Variants in SDK1 observed in about 807,000 individuals in gnomAD.
SDK1 encodes sidekick cell adhesion molecule 1.
A neutral mutation model predicts 245.5 loss-of-function variants in SDK1; 157 were observed. The observed-to-expected ratio is 0.64, with a 90% CI of 0.56 to 0.73. The LOEUF (loss-of-function observed/expected upper bound fraction) is 0.73, where lower values mean the gene tolerates loss of function less well. SDK1 is among the 30% of genes least tolerant of loss of function. SDK1 has a pLI of 0.00. For synonymous variants in SDK1, 1,647 were observed against 1,278.5 expected (o/e 1.29, Z -6.15); for missense variants, 3,583 against 3,002.3 (o/e 1.19, Z -4.52).
intron 5 of SDK1, among the ~76,000 whole-genome samples, chr7:3,863,303 G>C (rs1227804577): frequency 2.0e-5 from 3 of 152,142 alleles, no homozygotes; most frequent in Non-Finnish European, 2.9e-5. Context: ...TCCAGTGAGG[G>C]AAATTCTGCC....
chr7:4,198,867 G>T (rs917723571), intron 35 of SDK1, among the ~76,000 whole-genome samples: 1 of 150,184 alleles, frequency 6.7e-6, no homozygotes, highest in Non-Finnish European at 1.5e-5. Flanking sequence ...AGGCTGGAGT[G>T]CAGTGGCGTG....
At chr7:3,848,502 G>C (rs1019886184) in intron 5 of SDK1, among the ~76,000 whole-genome samples, 5 of 152,122 alleles carry the variant, frequency 3.3e-5, no homozygotes, top group Non-Finnish European at 2.9e-5. Context: ...TGAGCAGGCA[G>C]CTTTCAGAAG....
intron 30 of SDK1, among the ~76,000 whole-genome samples, chr7:4,151,348 G>T (rs541630642): frequency 6.6e-6 from 1 of 152,292 alleles, no homozygotes; most frequent in South Asian, 2.1e-4. Context: ...TCTGAAAATC[G>T]AGGTGGAATG....
At chr7:4,064,658 C>T (rs1331462139) in intron 19 of SDK1, among the ~76,000 whole-genome samples, 2 of 152,162 alleles carry the variant, frequency 1.3e-5, no homozygotes, top group African/African-American at 4.8e-5. Context: ...ACGGAATCAA[C>T]CCAAGCGTCC....
At chr7:3,871,622 G>A (rs749365607) in intron 5 of SDK1, among the ~76,000 whole-genome samples, 3 of 152,216 alleles carry the variant, frequency 2.0e-5, no homozygotes, top group African/African-American at 7.2e-5. Context: ...AAGTAAAGGA[G>A]AGCCTGTGTG....
chr7:4,178,606 A>G lies in SDK1; in HGVS notation c.5098+20A>G, dbSNP rs1174652781. The G allele has an allele frequency of 3.8e-6, 6 of 1,571,606 alleles. No individual in the cohort carries two copies. Among genetic ancestry groups the G allele is most frequent in the Non-Finnish European group, 5.2e-6 (6 of 1,147,806 alleles). On this transcript the variant is annotated intron_variant, in intron 35 of 44. Transcript: ENST00000404826. ...AGGCTGGTAAGCTCCGTGCACCCCCAACCCCACTGCCAGAGAGGGCCACAG... is the reference window on the plus strand; with the variant it reads ...AGGCTGGTAAGCTCCGTGCACCCCCGACCCCACTGCCAGAGAGGGCCACAG...
At chr7:4,194,548 C>G (rs944892632) in intron 35 of SDK1, among the ~76,000 whole-genome samples, 9 of 152,026 alleles carry the variant, frequency 5.9e-5, no homozygotes, top group Non-Finnish European at 8.8e-5. Flanking sequence ...AGGCTATCTG[C>G]AAGCTCGAGG....
At chr7:3,500,096 G>C (rs1782150419) in intron 1 of SDK1, among the ~76,000 whole-genome samples, 1 of 152,120 alleles carries the variant, frequency 6.6e-6, no homozygotes, top group African/African-American at 2.4e-5. Context: ...GGGTGGGTGA[G>C]TGGGGTTTAG....
chr7:3,516,582 C>A (rs1782758996), intron 1 of SDK1, among the ~76,000 whole-genome samples: 1 of 152,000 alleles, frequency 6.6e-6, no homozygotes, highest in Non-Finnish European at 1.5e-5. Context: ...CTTCCATGAC[C>A]TCTTAAGGAA....
At chr7:4,019,736 G>C (rs78888322) in intron 17 of SDK1, among the ~76,000 whole-genome samples, 1 of 151,928 alleles carries the variant, frequency 6.6e-6, no homozygotes, top group Non-Finnish European at 1.5e-5. Flanking sequence ...ATTGGGGGTT[G>C]GTATACAGAG....
intron 1 of SDK1, among the ~76,000 whole-genome samples, chr7:3,371,635 A>G (rs1385108549): frequency 6.6e-6 from 1 of 152,212 alleles, no homozygotes; most frequent in Admixed American, 6.5e-5. Flanking sequence ...TTGATCTCCA[A>G]AAATAGAAGA....
At chr7:4,139,969 T>C (rs1053667859) in intron 28 of SDK1, among the ~76,000 whole-genome samples, 10 of 152,024 alleles carry the variant, frequency 6.6e-5, no homozygotes, top group African/African-American at 2.4e-4. Context: ...ACCCCACTGT[T>C]CTCCCATGAG....
chr7:3,867,204 G>A (rs1267439532), intron 5 of SDK1, among the ~76,000 whole-genome samples: 2 of 152,150 alleles, frequency 1.3e-5, no homozygotes, highest in Non-Finnish European at 2.9e-5. Flanking sequence ...GGCCAGTTTT[G>A]TTCTGAAGAG....
intron 4 of SDK1, among the ~76,000 whole-genome samples, chr7:3,683,454 G>A (rs1784171701): frequency 6.6e-6 from 1 of 152,086 alleles, no homozygotes; most frequent in South Asian, 2.1e-4. Flanking sequence ...CTCATCAGAG[G>A]TTATTATAAT....
intron 4 of SDK1, among the ~76,000 whole-genome samples, chr7:3,816,944 A>G (rs1177620273): frequency 1.3e-5 from 2 of 152,202 alleles, no homozygotes; most frequent in East Asian, 1.9e-4. Context: ...GTCAATTGAA[A>G]CTAGTCAAAT....
chr7:3,691,986 TTTTTG>T (rs1442034438), intron 4 of SDK1, among the ~76,000 whole-genome samples: 5 of 152,116 alleles, frequency 3.3e-5, no homozygotes, highest in Non-Finnish European at 7.4e-5. Context: ...TCCCCCTTTA[TTTTTG>T]CTTACTCATT....
chr7:3,446,074 T>C (rs1780333389), intron 1 of SDK1, among the ~76,000 whole-genome samples: 1 of 152,148 alleles, frequency 6.6e-6, no homozygotes, highest in Non-Finnish European at 1.5e-5. Context: ...AATGTTCTAT[T>C]GCTCCCTTCT....
In SDK1 at chr7:3,516,556, T is replaced by C. The variant is rs890729903; in HGVS notation, c.299-102524T>C. ...TGAAACTATTCTCCTGATTACTAAA[T>C]GAAATATTTTTAGAGCTTCCATGAC... On this transcript the variant is annotated intron_variant, in intron 1 of 44. Coordinates refer to ENST00000404826, the MANE Select transcript of SDK1 (RefSeq NM_152744.4). 3.9e-5 allele frequency among the ~76,000 whole-genome samples: 6 copies of C among 152,284 alleles called. No individual in the cohort carries two copies. The East Asian group carries it at 5.8e-4, about 15-fold the overall frequency.
chr7:3,958,963 C>G lies in SDK1; in HGVS notation c.1183C>G (p.Arg395Gly). Residue 395 changes from arginine (R) to glycine (G), a missense_variant, in exon 8 of 45, where the codon CGG (arginine) becomes GGG (glycine). Physicochemically the swap from Arg to Gly is moderately radical, Grantham distance 125. Coordinates refer to ENST00000404826, the MANE Select transcript of SDK1 (RefSeq NM_152744.4). ...PPYFTAEPES[R>G]ISAEVEETVD... Reference sequence around the variant, plus strand: ...ATATTTTACTGCTGAGCCCGAGAGTCGGATTTCAGCTGAAGTAGAAGAAAC... The same window carrying G: ...ATATTTTACTGCTGAGCCCGAGAGTGGGATTTCAGCTGAAGTAGAAGAAAC... 6.2e-7 allele frequency: 1 copy of G among 1,613,914 alleles called. No homozygotes were observed. Among genetic ancestry groups the G allele is most frequent in the Non-Finnish European group, 8.5e-7 (1 of 1,179,926 alleles).
Sources: gnomAD v4.1 joint callset for allele counts (sites outside exome capture counted in the v4.1 genomes callset) on GRCh38, gnomAD v4.1.1 for gene constraint, MANE v1.5 for transcripts, NCBI Gene and HGNC (gene_info 2026-07-23, HGNC 2026-07-21) for gene names.